The following SORCS3 variants were observed in gnomAD, a reference collection of about 807,000 sequenced individuals.
SORCS3 encodes VPS10 domain-containing receptor SorCS3.
SORCS3 carries 57 observed loss-of-function variants against 146.3 expected under a neutral mutation model. That is an observed-to-expected ratio of 0.39 (90% CI 0.31 to 0.49). The LOEUF is 0.49. Ranked by LOEUF, SORCS3 falls within the 20% of genes least tolerant of loss-of-function variation. The pLI is 0.92. For synonymous variants in SORCS3, 653 were observed against 618.5 expected, an observed-to-expected ratio of 1.06 and a Z score of -0.83; for missense variants, 1,341 against 1,575.5, an observed-to-expected ratio of 0.85 and a Z score of 2.52.
intron 19 of SORCS3, among the ~76,000 whole-genome samples, chr10:105,219,069 G>A (rs757264410): frequency 6.6e-6 from 1 of 152,174 alleles, no homozygotes; most frequent in African/African-American, 2.4e-5. Flanking sequence ...GGGAGGCTGT[G>A]AGAATCAAAC....
intron 1 of SORCS3, among the ~76,000 whole-genome samples, chr10:104,805,755 C>T (rs893663512): frequency 6.6e-6 from 1 of 152,106 alleles, no homozygotes; most frequent in Non-Finnish European, 1.5e-5. Flanking sequence ...CCTGTCATTT[C>T]CCAGCCTTCT....
intron 3 of SORCS3, among the ~76,000 whole-genome samples, chr10:104,953,655 T>C (rs897653158): frequency 1.3e-5 from 2 of 152,218 alleles, no homozygotes; most frequent in Non-Finnish European, 2.9e-5. Context: ...CCACTGTGTG[T>C]TGGGATAGTT....
chr10:105,102,500 A>G (rs2055791957), intron 6 of SORCS3, among the ~76,000 whole-genome samples: 1 of 152,172 alleles, frequency 6.6e-6, no homozygotes, highest in Non-Finnish European at 1.5e-5. Context: ...GACACAAAAA[A>G]GGGAGCAACA....
At chr10:105,255,121 G>A (rs944197084) in intron 23 of SORCS3, among the ~76,000 whole-genome samples, 1 of 150,168 alleles carries the variant, frequency 6.7e-6, no homozygotes, top group South Asian at 2.1e-4. Context: ...CCGGGGGGGC[G>A]GAGCCTGCGG....
chr10:105,017,716 A>T (rs1284422187), intron 4 of SORCS3, among the ~76,000 whole-genome samples: 2 of 152,174 alleles, frequency 1.3e-5, no homozygotes, highest in South Asian at 2.1e-4. Flanking sequence ...CTTGTCTGTT[A>T]TGATCCACTC....
rs144024969 is a variant in SORCS3, at chr10:105,083,135, A to G, written c.1029-6640A>G. Reference sequence around the variant, plus strand: ...TAAAATTTTGTTTTATAGTCATTTAATTAAAAGTAGGAATACAGCATACTC... The same window carrying G: ...TAAAATTTTGTTTTATAGTCATTTAGTTAAAAGTAGGAATACAGCATACTC... On this transcript the variant is annotated intron_variant, in intron 5 of 26. Transcript: ENST00000369701. 3.8e-3 allele frequency among the ~76,000 whole-genome samples: 577 copies of G among 152,346 alleles called. 7 individuals carry two copies. The highest frequency in any genetic ancestry group is 0.013 in the African/African-American group (530 of 41,580).
intron 6 of SORCS3, among the ~76,000 whole-genome samples, chr10:105,098,590 A>G (rs997335558): frequency 1.3e-5 from 2 of 152,204 alleles, no homozygotes; most frequent in African/African-American, 4.8e-5. Flanking sequence ...AGAGCTGTGG[A>G]ACTTAGGCAA....
At chr10:104,664,930 A>G (rs910688212) in intron 1 of SORCS3, 8 of 152,494 alleles carry the variant, frequency 5.2e-5, no homozygotes, top group African/African-American at 1.9e-4. Flanking sequence ...GAAGGGGGCT[A>G]TGGGGATGGG....
At chr10:105,208,009 C>T (rs2056613153) in intron 16 of SORCS3, among the ~76,000 whole-genome samples, 1 of 152,036 alleles carries the variant, frequency 6.6e-6, no homozygotes, top group South Asian at 2.1e-4. Flanking sequence ...TAAGGATACA[C>T]CACAGCCCAA....
intron 7 of SORCS3, among the ~76,000 whole-genome samples, chr10:105,136,043 A>G (rs1464042743): frequency 6.6e-6 from 1 of 152,130 alleles, no homozygotes; most frequent in Non-Finnish European, 1.5e-5. Context: ...ACACCTATTC[A>G]TTACCTGGTT....
intron 4 of SORCS3, among the ~76,000 whole-genome samples, chr10:105,001,750 G>A (rs531217308): frequency 6.6e-6 from 1 of 151,102 alleles, no homozygotes; most frequent in South Asian, 2.1e-4. Flanking sequence ...GAAAGCAGAG[G>A]TGGAACATTC....
At chr10:105,132,185 GT>G (rs2056024144) in intron 7 of SORCS3, among the ~76,000 whole-genome samples, 1 of 152,188 alleles carries the variant, frequency 6.6e-6, no homozygotes, top group East Asian at 1.9e-4. Flanking sequence ...TCCTACACCT[GT>G]TTCCCCACCT....
chr10:105,039,890 A>G (rs2055328754), intron 4 of SORCS3, among the ~76,000 whole-genome samples: 1 of 152,130 alleles, frequency 6.6e-6, no homozygotes, highest in Non-Finnish European at 1.5e-5. Context: ...GGAGACTCTA[A>G]CAGTGTCAGT....
intron 14 of SORCS3, among the ~76,000 whole-genome samples, chr10:105,192,560 C>T (rs2119596458): frequency 6.6e-6 from 1 of 152,220 alleles, no homozygotes; most frequent in East Asian, 1.9e-4. Flanking sequence ...GTTGCAGGCA[C>T]TGGAGTCTCT....
chr10:104,872,559 C>T (rs1272156774), intron 2 of SORCS3, among the ~76,000 whole-genome samples: 1 of 110,496 alleles, frequency 9.1e-6, no homozygotes, highest in African/African-American at 3.6e-5. Context: ...TAGGGATCCT[C>T]ATTTTGATTT....
chr10:105,022,887 G>C (rs530172268), intron 4 of SORCS3, among the ~76,000 whole-genome samples: 1 of 152,082 alleles, frequency 6.6e-6, no homozygotes. Flanking sequence ...CAGCACTAAG[G>C]TGCCTTGATG....
At chr10:105,189,624 A>G (rs1477576273) in intron 14 of SORCS3, among the ~76,000 whole-genome samples, 1 of 152,170 alleles carries the variant, frequency 6.6e-6, no homozygotes, top group Non-Finnish European at 1.5e-5. Flanking sequence ...CTGCGGTCAC[A>G]TATGGCACAC....
At chr10:105,019,892 G>A (rs2055188840) in intron 4 of SORCS3, among the ~76,000 whole-genome samples, 1 of 152,180 alleles carries the variant, frequency 6.6e-6, no homozygotes, top group Non-Finnish European at 1.5e-5. Context: ...TTAGCTTGTT[G>A]CAGGGGCTCA....
At chr10:105,199,956 A>G in intron 14 of SORCS3, 43 bp from the exon 15 acceptor site, 1 of 1,407,486 alleles carries the variant, frequency 7.1e-7, no homozygotes, top group Non-Finnish European at 1.0e-6. Flanking sequence ...TGACTATGGG[A>G]CTTTCTCCCC....
Sources: allele counts gnomAD v4.1 joint callset (sites outside exome capture counted in the v4.1 genomes callset), GRCh38; gene constraint gnomAD v4.1.1; transcripts MANE v1.5; gene names NCBI Gene and HGNC (gene_info 2026-07-23, HGNC 2026-07-21).